CACNA2D3: variants seen among roughly 807,000 people sequenced by gnomAD.
CACNA2D3 encodes the protein voltage-dependent calcium channel subunit alpha-2/delta-3.
In CACNA2D3, 60 loss-of-function variants were observed where a neutral mutation model predicts 160.6. That is an observed-to-expected ratio of 0.37 (90% CI 0.30 to 0.46). The LOEUF is 0.46. CACNA2D3 is among the 20% of genes least tolerant of loss of function. The pLI is 1.00. For synonymous variants in CACNA2D3, 558 were observed against 492.9 expected (o/e 1.13, Z -1.75); for missense variants, 1,205 against 1,365.0 (o/e 0.88, Z 1.85).
rs571776386 is a variant in CACNA2D3 at position 54,809,888 on chromosome 3, C to G, written c.1381-6965C>G. ...AATACAACAGTGAATAAGATAGATA[C>G]AGTCCCTCGGTAGATCTTATATGGA... On this transcript the variant is annotated intron_variant, in intron 13 of 37. Transcript: ENST00000474759. Among the ~76,000 whole-genome samples the G allele has an allele frequency of 2.6e-5, 4 of 152,108 alleles. No homozygotes were observed. In the South Asian group the frequency reaches 6.2e-4, roughly 24 times the overall value.
intron 11 of CACNA2D3, among the ~76,000 whole-genome samples, chr3:54,660,143 C>CTTTTTTTTTTTTTTT (rs34482934): frequency 7.0e-6 from 1 of 142,786 alleles, no homozygotes; most frequent in Non-Finnish European, 1.5e-5. Flanking sequence ...CTTTTGGTTT[C>CTTTTTTTTTTTTTTT]TTTTTTTTTT....
intron 5 of CACNA2D3, among the ~76,000 whole-genome samples, chr3:54,541,858 C>T (rs1034195543): frequency 6.6e-6 from 1 of 151,424 alleles, no homozygotes; most frequent in South Asian, 2.1e-4. Context: ...GTGATGGTTT[C>T]ATAGCAGTGG....
chr3:54,414,969 G>A lies in CACNA2D3; in HGVS notation c.381+28195G>A, dbSNP rs192890042. On this transcript the variant is annotated intron_variant, in intron 4 of 37. Coordinates refer to ENST00000474759, the MANE Select transcript of CACNA2D3 (RefSeq NM_018398.3). ...AATGAACAAATACTTCTGAAGTTTCGTTTTATTGTTTTTACATACACAGTG... is the reference window on the plus strand; with the variant it reads ...AATGAACAAATACTTCTGAAGTTTCATTTTATTGTTTTTACATACACAGTG... Among the ~76,000 whole-genome samples the A allele has an allele frequency of 9.9e-5, 15 of 151,856 alleles. No individual in the cohort carries two copies. In the East Asian group the frequency reaches 1.7e-3, roughly 18 times the overall value.
chr3:54,324,439 G>A (rs951886474), intron 3 of CACNA2D3, among the ~76,000 whole-genome samples: 6 of 151,906 alleles, frequency 3.9e-5, no homozygotes, highest in African/African-American at 1.5e-4. Context: ...ACTTTTTTTT[G>A]AGGCTAGCAA....
intron 2 of CACNA2D3, among the ~76,000 whole-genome samples, chr3:54,299,654 C>G (rs1370620898): frequency 6.6e-6 from 1 of 152,102 alleles, no homozygotes; most frequent in African/African-American, 2.4e-5. Context: ...ATTCAGGGCT[C>G]CTTTATTAAC....
chr3:54,949,487 A>C (rs1291172079), intron 27 of CACNA2D3, among the ~76,000 whole-genome samples: 1 of 152,148 alleles, frequency 6.6e-6, no homozygotes, highest in Non-Finnish European at 1.5e-5. Context: ...ATCGTTCATT[A>C]TTGGTTTATG....
chr3:54,704,072 A>C (rs1197307243), intron 11 of CACNA2D3, among the ~76,000 whole-genome samples: 1 of 152,192 alleles, frequency 6.6e-6, no homozygotes, highest in Non-Finnish European at 1.5e-5. Flanking sequence ...CAAATCTGGC[A>C]CCCACAGTCT....
intron 31 of CACNA2D3, among the ~76,000 whole-genome samples, chr3:54,993,085 T>C (rs186398188): frequency 5.3e-4 from 80 of 152,322 alleles, no homozygotes; most frequent in African/African-American, 1.6e-3. Context: ...CACTTCCATC[T>C]GCCCCCATGA....
rs925546507 is a variant in CACNA2D3, at chr3:54,333,660, C to T, written c.321+13102C>T. Reference sequence around the variant, plus strand: ...GGGGGAGGGAGCTGGGAAGTGCAGCCGCCTCTATTGTGCTGGGAGAAAGCC... The same window carrying T: ...GGGGGAGGGAGCTGGGAAGTGCAGCTGCCTCTATTGTGCTGGGAGAAAGCC... On this transcript the variant is annotated intron_variant, in intron 3 of 37. Transcript: ENST00000474759. Among the ~76,000 whole-genome samples the T allele has an allele frequency of 6.6e-5, 10 of 151,452 alleles. 1 individual carries two copies. Among genetic ancestry groups the T allele is most frequent in the Non-Finnish European group, 7.4e-5 (5 of 67,972 alleles).
chr3:54,930,905 T>G (rs1035707052), intron 27 of CACNA2D3, among the ~76,000 whole-genome samples: 1 of 152,178 alleles, frequency 6.6e-6, no homozygotes, highest in Admixed American at 6.5e-5. Context: ...GAGACCAGCC[T>G]GGCCAACAAG....
intron 2 of CACNA2D3, among the ~76,000 whole-genome samples, chr3:54,201,015 A>G (rs1216364204): frequency 6.6e-6 from 1 of 152,246 alleles, no homozygotes; most frequent in Non-Finnish European, 1.5e-5. Flanking sequence ...ACTGAGCCAC[A>G]CATAATGCTA....
At chr3:54,256,050 A>G (rs1702287779) in intron 2 of CACNA2D3, among the ~76,000 whole-genome samples, 1 of 152,204 alleles carries the variant, frequency 6.6e-6, no homozygotes, top group Admixed American at 6.5e-5. Context: ...AGGGACAAAA[A>G]ATAGGCTTTG....
chr3:54,484,124 A>G (rs1468974772), intron 4 of CACNA2D3, among the ~76,000 whole-genome samples: 1 of 152,212 alleles, frequency 6.6e-6, no homozygotes, highest in Non-Finnish European at 1.5e-5. Context: ...CTAAGCAATG[A>G]AACACTACGG....
rs755629168 is a variant in CACNA2D3, at chr3:54,281,339, T to G, written c.205-39103T>G. 4.6e-5 allele frequency among the ~76,000 whole-genome samples: 7 copies of G among 152,230 alleles called. No individual in the cohort carries two copies. The South Asian group carries it at 8.3e-4, about 18-fold the overall frequency. Reference sequence around the variant, plus strand: ...TTGCACATTTTGTGACTCAGTATCTTTTCCACTGTGTATCCAGATTGCCGA... The same window carrying G: ...TTGCACATTTTGTGACTCAGTATCTGTTCCACTGTGTATCCAGATTGCCGA... On this transcript the variant is annotated intron_variant, in intron 2 of 37. Coordinates refer to ENST00000474759, the MANE Select transcript of CACNA2D3 (RefSeq NM_018398.3).
Position 55,004,749 on chromosome 3 carries a change from T to C in CACNA2D3, c.2691-14T>C. ...TCTCATTTAGTGAAGCTCCCTTCCA[T>C]TTCTTTCCTGTAGAATTACCCTTTA... On this transcript the variant is annotated splice_polypyrimidine_tract_variant and intron_variant, in intron 31 of 37. Transcript: ENST00000474759. 1 of 1,600,464 alleles carries C rather than the reference T, an allele frequency of 6.2e-7. No individual in the cohort carries two copies. Among genetic ancestry groups the C allele is most frequent in the East Asian group, 2.2e-5 (1 of 44,760 alleles).
At chr3:54,455,327 CT>C (rs1700378394) in intron 4 of CACNA2D3, among the ~76,000 whole-genome samples, 1 of 151,990 alleles carries the variant, frequency 6.6e-6, no homozygotes, top group African/African-American at 2.4e-5. Context: ...TTGTATTTTC[CT>C]GTTGATTAGC....
intron 27 of CACNA2D3, among the ~76,000 whole-genome samples, chr3:54,944,148 C>T (rs567250145): frequency 6.6e-6 from 1 of 152,268 alleles, no homozygotes; most frequent in East Asian, 1.9e-4. Flanking sequence ...ATTGCCCAGC[C>T]TCCACCCTAG....
rs574551945 is a variant in CACNA2D3, at chr3:54,869,270, A to G, written c.1627-2269A>G. On this transcript the variant is annotated intron_variant, in intron 17 of 37. Coordinates refer to ENST00000474759, the MANE Select transcript of CACNA2D3 (RefSeq NM_018398.3). ...TGGGGTGTCCTCTACCATACAAGCT[A>G]TGCGATCTTATTTAACTTGTGATTT... Among the ~76,000 whole-genome samples the G allele has an allele frequency of 3.7e-4, 57 of 152,366 alleles. No individual in the cohort carries two copies. The Middle Eastern group carries it at 0.01, about 27-fold the overall frequency.
At chr3:54,203,872 A>G (rs575513587) in intron 2 of CACNA2D3, among the ~76,000 whole-genome samples, 164 of 151,916 alleles carry the variant, frequency 1.1e-3, no homozygotes, top group Non-Finnish European at 2.0e-3. Context: ...TTATAGGCCC[A>G]TGACAGGGGT....
Sources: allele counts gnomAD v4.1 joint callset (sites outside exome capture counted in the v4.1 genomes callset), GRCh38; gene constraint gnomAD v4.1.1; transcripts MANE v1.5; gene names NCBI Gene and HGNC (gene_info 2026-07-23, HGNC 2026-07-21).